TMED3: variants seen among roughly 807,000 people sequenced by gnomAD.
TMED3 encodes the protein transmembrane emp24 domain-containing protein 3.
A neutral mutation model predicts 15.0 loss-of-function variants in TMED3; 9 were observed. That is an observed-to-expected ratio of 0.60 (90% CI 0.36 to 1.04). TMED3 has a LOEUF of 1.04. Ranked by LOEUF, TMED3 falls within the 50% of genes least tolerant of loss-of-function variation. The pLI, the probability that TMED3 is intolerant of heterozygous loss-of-function variation, is 0.01. For missense variants in TMED3, 267 were observed against 278.9 expected (o/e 0.96, Z 0.30); for synonymous variants, 117 against 121.4 (o/e 0.96, Z 0.24).
At chr15:79,357,619 C>G (rs976619684) in intron 2 of TMED3, among the ~76,000 whole-genome samples, 1 of 151,418 alleles carries the variant, frequency 6.6e-6, no homozygotes, top group Admixed American at 6.6e-5. Context: ...GGCTCATCTC[C>G]TACTGGGAGG....
At chr15:79,411,681 G>C (rs190754537) in exon 3 of TMED3, 13 of 559,606 alleles carry the variant, frequency 2.3e-5, no homozygotes, top group Admixed American at 1.5e-4. Flanking sequence ...CTCACCACAG[G>C]CCTCTGGAAT....
chr15:79,343,286 A>G (rs1395939), intron 2 of TMED3, among the ~76,000 whole-genome samples: 14,300 of 152,092 alleles, frequency 0.094, 696 homozygotes, highest in Admixed American at 0.12. Context: ...ATACTCATAC[A>G]CACTGCCCTC....
chr15:79,375,940 A>G (rs1351086035), intron 2 of TMED3, among the ~76,000 whole-genome samples: 2 of 152,174 alleles, frequency 1.3e-5, no homozygotes, highest in African/African-American at 2.4e-5. Context: ...TCCAAGGTGA[A>G]GGGCAAAAAT....
In TMED3 at chr15:79,315,144, C is replaced by T. The variant is rs918083761; in HGVS notation, c.417+1139C>T. On this transcript the variant is annotated intron_variant, in intron 2 of 2. Coordinates refer to ENST00000299705, the MANE Select transcript of TMED3 (RefSeq NM_007364.4). Reference sequence around the variant, plus strand: ...TCCTCTGTGGCTCTGGGCACACTCACGAGTGCCTGTGGATTCATTTGCCCA... The same window carrying T: ...TCCTCTGTGGCTCTGGGCACACTCATGAGTGCCTGTGGATTCATTTGCCCA... 7.2e-5 allele frequency among the ~76,000 whole-genome samples: 11 copies of T among 152,336 alleles called. No individual in the cohort carries two copies. In the East Asian group the frequency reaches 7.7e-4, roughly 11 times the overall value.
intron 2 of TMED3, among the ~76,000 whole-genome samples, chr15:79,379,085 AT>A (rs905375478): frequency 1.8e-4 from 27 of 152,356 alleles, no homozygotes; most frequent in African/African-American, 5.0e-4. Flanking sequence ...TTCCTGGAAC[AT>A]ATAACCAAAA....
intron 2 of TMED3, among the ~76,000 whole-genome samples, chr15:79,343,616 T>C (rs963166463): frequency 3.3e-5 from 5 of 151,244 alleles, no homozygotes; most frequent in South Asian, 4.2e-4. Context: ...GGCTGCTTTG[T>C]GGGTAGTAGA....
At chr15:79,342,356 A>AT (rs1315687449) in intron 2 of TMED3, among the ~76,000 whole-genome samples, 2 of 152,176 alleles carry the variant, frequency 1.3e-5, no homozygotes, top group Non-Finnish European at 2.9e-5. Flanking sequence ...GTTGGCAAAG[A>AT]TATACTATGT....
intron 2 of TMED3, among the ~76,000 whole-genome samples, chr15:79,388,843 G>A (rs913540917): frequency 1.3e-5 from 2 of 152,160 alleles, no homozygotes; most frequent in African/African-American, 4.8e-5. Flanking sequence ...CTGATCATTA[G>A]TGATGTTAAG....
intron 2 of TMED3, among the ~76,000 whole-genome samples, chr15:79,390,021 A>G (rs1472211783): frequency 1.3e-5 from 2 of 152,176 alleles, no homozygotes; most frequent in Non-Finnish European, 1.5e-5. Context: ...GTAAACAATC[A>G]TATAATCAGC....
intron 2 of TMED3, among the ~76,000 whole-genome samples, chr15:79,332,617 C>T (rs923723582): frequency 3.3e-5 from 5 of 152,292 alleles, no homozygotes; most frequent in South Asian, 4.2e-4. Context: ...TGGGGCAAGG[C>T]GGGCTGCTTT....
intron 2 of TMED3, among the ~76,000 whole-genome samples, chr15:79,320,139 G>T (rs1212185026): frequency 1.3e-5 from 2 of 152,160 alleles, no homozygotes; most frequent in African/African-American, 4.8e-5. Flanking sequence ...CAGTCCACTT[G>T]GCAATGGGCG....
chr15:79,376,329 T>G (rs1893427776), intron 2 of TMED3, among the ~76,000 whole-genome samples: 1 of 152,030 alleles, frequency 6.6e-6, no homozygotes. Context: ...TAAATAAGAG[T>G]AGAGGCAGAG....
Position 79,322,103 on chromosome 15 carries a change from C to CTGG in TMED3, c.545_547dup (p.Trp182dup). ...AAGACCTTAATAGCCGAGTCTCTTA[C>CTGG]TGGTCTGTTGGCGAGACGATTGCCC... On this transcript the variant is annotated inframe_insertion, in exon 3 of 3. Transcript: ENST00000299705. 1.2e-6 allele frequency: 2 copies of CTGG among 1,614,230 alleles called. No homozygotes were observed. The highest frequency in any genetic ancestry group is 1.7e-6 in the Non-Finnish European group (2 of 1,180,032).
At chr15:79,315,996 A>G (rs1329992668) in intron 2 of TMED3, 1 of 152,216 alleles carries the variant, frequency 6.6e-6, no homozygotes, top group Non-Finnish European at 1.5e-5. Flanking sequence ...AAAATGTAGA[A>G]GCTTGGCCTT....
chr15:79,357,914 T>C (rs1043092617), intron 2 of TMED3, among the ~76,000 whole-genome samples: 1 of 152,218 alleles, frequency 6.6e-6, no homozygotes, highest in Non-Finnish European at 1.5e-5. Flanking sequence ...TTCTTTGGTC[T>C]TGTGAGTCTA....
Position 79,322,099 on chromosome 15 carries a change from C to T in TMED3, c.539C>T (p.Ser180Phe), listed in dbSNP as rs369067846. 2.8e-5 allele frequency: 45 copies of T among 1,614,126 alleles called. No homozygotes were observed. The highest frequency in any genetic ancestry group is 3.3e-5 in the South Asian group (3 of 91,094). ...GCAGAAGACCTTAATAGCCGAGTCTCTTACTGGTCTGTTGGCGAGACGATT... is the reference window on the plus strand; with the variant it reads ...GCAGAAGACCTTAATAGCCGAGTCTTTTACTGGTCTGTTGGCGAGACGATT... Reference protein sequence around the residue: ...ARAEDLNSRVSYWSVGETIAL... With the variant: ...ARAEDLNSRVFYWSVGETIAL... Residue 180 changes from serine (S) to phenylalanine (F), a missense_variant, in exon 3 of 3, where the codon TCT becomes TTT. Coordinates refer to ENST00000299705, the MANE Select transcript of TMED3 (RefSeq NM_007364.4).
rs145001674 is a variant in TMED3 at position 79,322,186 on chromosome 15, G to T, written c.626G>T (p.Arg209Leu). The change falls in exon 3 of 3, where the codon CGA (arginine) becomes CTA (leucine). Residue 209 changes from arginine (R) to leucine (L), a missense_variant. Physicochemically the swap from Arg to Leu is moderately radical, Grantham distance 102. Around this residue, in one of 3 missense-constraint regions of TMED3, gnomAD observed 139 missense variants for 125.0 expected, o/e 1.11. Coordinates refer to ENST00000299705, the MANE Select transcript of TMED3 (RefSeq NM_007364.4). ...TTGAAAAGCTTCTTCACAGAAAAAC[G>T]ACCCATCAGCAGGGCAGTCCACTCC... ...LLLKSFFTEKRPISRAVHS is the reference protein window; with the variant it reads ...LLLKSFFTEKLPISRAVHS The T allele has an allele frequency of 3.8e-5, 61 of 1,613,948 alleles. No individual in the cohort carries two copies. The African/African-American group carries it at 7.5e-4, about 20-fold the overall frequency.
At chr15:79,331,425 T>C (rs1427285314) in intron 2 of TMED3, among the ~76,000 whole-genome samples, 2 of 149,424 alleles carry the variant, frequency 1.3e-5, no homozygotes, top group African/African-American at 5.0e-5. Flanking sequence ...ATCAAAGACC[T>C]AAATGTAAGA....
chr15:79,392,619 A>G (rs1893711218), intron 2 of TMED3, among the ~76,000 whole-genome samples: 2 of 152,166 alleles, frequency 1.3e-5, no homozygotes, highest in Non-Finnish European at 1.5e-5. Context: ...GTTAATTCCA[A>G]AATTTCAAAT....
Sources: allele counts gnomAD v4.1 joint callset (sites outside exome capture counted in the v4.1 genomes callset), GRCh38; gene constraint gnomAD v4.1.1; regional missense constraint gnomAD v4.1.1; transcripts MANE v1.5; gene names NCBI Gene and HGNC (gene_info 2026-07-23, HGNC 2026-07-21).